UBXN2B: variants seen among roughly 807,000 people sequenced by gnomAD.
UBXN2B encodes the protein UBX domain-containing protein 2B.
Under a neutral mutation model 37.5 loss-of-function variants are expected in UBXN2B, and 19 were observed. The observed-to-expected ratio is 0.51, with a 90% CI of 0.35 to 0.74. The LOEUF is 0.74. Among genes scored for constraint, UBXN2B ranks in the 30% least tolerant of loss-of-function variants. UBXN2B has a pLI of 0.01. For missense variants in UBXN2B, 370 were observed against 393.2 expected (o/e 0.94, Z 0.50); for synonymous variants, 145 against 143.8 (o/e 1.01, Z -0.06).
rs763233939 is a variant in UBXN2B, at chr8:58,434,463, T to G, written c.492T>G (p.Asn164Lys). 12 of 1,564,092 alleles carry G rather than the reference T, an allele frequency of 7.7e-6. No individual in the cohort carries two copies. In the Middle Eastern group the frequency reaches 5.3e-4, roughly 69 times the overall value. ...ATGATGGAGAATTGAGACCTTACAATGAACCAACAAATGCTCAATTTCTGG... is the reference window on the plus strand; with the variant it reads ...ATGATGGAGAATTGAGACCTTACAAGGAACCAACAAATGCTCAATTTCTGG... ...SLDDGELRPY[N>K]EPTNAQFLES... The change falls in exon 5 of 8, where the codon AAT (asparagine) becomes AAG (lysine). Residue 164 changes from asparagine to lysine, a missense_variant. Physicochemically the swap from Asn to Lys is moderately conservative, Grantham distance 94. Coordinates refer to ENST00000399598, the MANE Select transcript of UBXN2B (RefSeq NM_001077619.2).
intron 7 of UBXN2B, 65 bp from the exon 8 acceptor site, chr8:58,447,324 A>C: frequency 7.1e-7 from 1 of 1,408,916 alleles, no homozygotes; most frequent in Non-Finnish European, 9.5e-7. Context: ...ATTATGATTC[A>C]GTTTTAAGTT....
rs1363968516 is a variant in UBXN2B at position 58,437,044 on chromosome 8, G to T, written c.533+2540G>T. Among the ~76,000 whole-genome samples the T allele has an allele frequency of 3.9e-5, 6 of 152,292 alleles. No homozygotes were observed. The South Asian group carries it at 1.2e-3, about 32-fold the overall frequency. On this transcript the variant is annotated intron_variant, in intron 5 of 7. Transcript: ENST00000399598. ...AATAGGCAGTGGTTGGAAGACTTTG[G>T]ACGTCCTTGAAGAAGATAGGAAGAC...
At chr8:58,433,018 T>A (rs1044007708) in intron 3 of UBXN2B, 142 bp from the exon 4 acceptor site, 1 of 569,162 alleles carries the variant, frequency 1.8e-6, no homozygotes, top group Non-Finnish European at 3.1e-6. Flanking sequence ...TCAAGTCTTA[T>A]GGTAATTTTG....
chr8:58,424,699 C>G (rs1021162585), intron 2 of UBXN2B: 9 of 1,235,988 alleles, frequency 7.3e-6, no homozygotes, highest in East Asian at 4.8e-5. Context: ...GGGGGGGGGG[C>G]TCTGATCTCC....
intron 6 of UBXN2B, among the ~76,000 whole-genome samples, chr8:58,440,437 C>T (rs1039167909): frequency 1.3e-5 from 2 of 152,090 alleles, no homozygotes; most frequent in South Asian, 2.1e-4. Flanking sequence ...CTCTGATTGT[C>T]GGTGAAAGAA....
At chr8:58,426,066 G>A in intron 2 of UBXN2B, 1 of 1,388,760 alleles carries the variant, frequency 7.2e-7, no homozygotes, top group Admixed American at 1.7e-5. Flanking sequence ...CAGTTCAGAG[G>A]ATATTTAAGC....
rs538834881 is a variant in UBXN2B at position 58,424,517 on chromosome 8, G to T, written c.189-6002G>T. 12 of 752,422 alleles carry T rather than the reference G, an allele frequency of 1.6e-5. No homozygotes were observed. In the South Asian group the frequency reaches 1.8e-4, roughly 11 times the overall value. 46.6% of individuals were successfully genotyped at this position (752,422 alleles called of 1,614,324 possible). A position where few individuals can be genotyped will look rare whatever the true frequency, so the allele number is the denominator to read the frequency against. ...TTGGTCTTCACATAAACTTTCTTGC[G>T]AAAGTTTGATCTTTTTAGGGAGAGA... On this transcript the variant is annotated intron_variant, in intron 2 of 7. Transcript: ENST00000399598.
chr8:58,433,078 C>A, intron 3 of UBXN2B, 82 bp from the exon 4 acceptor site: 1 of 1,154,504 alleles, frequency 8.7e-7, no homozygotes, highest in Non-Finnish European at 1.3e-6. Context: ...TAGAATTAAT[C>A]TAGTTTTAAA....
intron 2 of UBXN2B, among the ~76,000 whole-genome samples, chr8:58,423,418 G>C (rs1264589733): frequency 2.0e-5 from 3 of 151,528 alleles, no homozygotes; most frequent in African/African-American, 7.3e-5. Flanking sequence ...GAACAGTTGG[G>C]GGTGGGTTTT....
At position 58,434,512 on chromosome 8, in the gene UBXN2B, G is replaced by A. The variant is rs755521667; in HGVS notation, c.533+8G>A. 5.3e-6 allele frequency: 8 copies of A among 1,504,814 alleles called. No homozygotes were observed. The highest frequency in any genetic ancestry group is 2.4e-5 in the East Asian group (1 of 42,268). 93.2% of individuals were successfully genotyped at this position (1,504,814 alleles called of 1,614,324 possible). ...GGAGTCTGTTAAGAGAGGGTAAGAT[G>A]TATTATTTGTATTCTATTTGTTATG... is the stretch of plus-strand genomic sequence containing the variant. On this transcript the variant is annotated splice_region_variant and intron_variant, in intron 5 of 7. Coordinates refer to ENST00000399598, the MANE Select transcript of UBXN2B (RefSeq NM_001077619.2).
chr8:58,434,991 C>T, intron 5 of UBXN2B: 3 of 1,531,004 alleles, frequency 2.0e-6, no homozygotes, highest in Non-Finnish European at 2.6e-6. Flanking sequence ...CTCAGATATT[C>T]AGTGCTCTCA....
chr8:58,439,656 G>A lies in UBXN2B; in HGVS notation c.557G>A (p.Arg186His), dbSNP rs199883632. 41 of 1,606,818 alleles carry A rather than the reference G, an allele frequency of 2.6e-5. No individual in the cohort carries two copies. The highest frequency in any genetic ancestry group is 5.1e-5 in the Admixed American group (3 of 58,620). ...AGAGAGATTCCCCTGGAGCTTCAGC[G>A]CCTTGTTCATGGTGGCCAAGTGAAT... ...KRGEIPLELQRLVHGGQVNLD... is the reference protein window; with the variant it reads ...KRGEIPLELQHLVHGGQVNLD... The change falls in exon 6 of 8, where the codon CGC becomes CAC. Residue 186 changes from arginine to histidine, a missense_variant. This residue lies in a region of UBXN2B where 90 missense variants were observed against 139.4 expected (regional missense o/e 0.65). Transcript: ENST00000399598.
Position 58,439,590 on chromosome 8 carries a change from C to G in UBXN2B, c.534-43C>G, listed in dbSNP as rs372531623. On this transcript the variant is annotated intron_variant, in intron 5 of 7. Coordinates refer to ENST00000399598, the MANE Select transcript of UBXN2B (RefSeq NM_001077619.2). ...GTAATCTCAACAGTGTAGTTTAATT[C>G]TTGGAAAACTTAATGATAACTTTTT... 4 of 1,577,772 alleles carry G rather than the reference C, an allele frequency of 2.5e-6. No homozygotes were observed. In the African/African-American group the frequency reaches 5.5e-5, roughly 22 times the overall value.
chr8:58,431,590 T>C (rs10108817), intron 3 of UBXN2B, among the ~76,000 whole-genome samples: 24,709 of 152,216 alleles, frequency 0.16, 2,196 homozygotes, highest in African/African-American at 0.23. Context: ...TGCTCAGAAG[T>C]GCAATTGGTA....
At chr8:58,442,778 T>C (rs1484326830) in intron 6 of UBXN2B, among the ~76,000 whole-genome samples, 2 of 152,218 alleles carry the variant, frequency 1.3e-5, no homozygotes, top group South Asian at 4.1e-4. Context: ...TAGGCATTCT[T>C]GGTAGGCTTT....
chr8:58,422,507 C>T (rs1268686214), intron 2 of UBXN2B, among the ~76,000 whole-genome samples: 4 of 152,158 alleles, frequency 2.6e-5, no homozygotes, highest in African/African-American at 9.7e-5. Context: ...ACATATAAGG[C>T]GAAGAGGGAT....
intron 2 of UBXN2B, among the ~76,000 whole-genome samples, chr8:58,424,431 G>A (rs926397057): frequency 8.5e-5 from 13 of 152,132 alleles, no homozygotes; most frequent in African/African-American, 3.1e-4. Context: ...ATCTTTAAAT[G>A]GTTTCAAATT....
chr8:58,433,006 A>G (rs1395026188), intron 3 of UBXN2B, among the ~76,000 whole-genome samples, 154 bp from the exon 4 acceptor site: 1 of 152,212 alleles, frequency 6.6e-6, no homozygotes, highest in Admixed American at 6.5e-5. Flanking sequence ...ATGATCTTTT[A>G]GTCAAGTCTT....
intron 2 of UBXN2B, among the ~76,000 whole-genome samples, chr8:58,429,314 A>T (rs16923457): frequency 0.031 from 4,684 of 152,218 alleles, 232 homozygotes; most frequent in East Asian, 0.23. Context: ...CGCTCCCTAA[A>T]ATAATCTGCT....
Sources: gnomAD v4.1 joint callset for allele counts (sites outside exome capture counted in the v4.1 genomes callset) on GRCh38, gnomAD v4.1.1 for gene constraint, gnomAD v4.1.1 regional missense constraint, MANE v1.5 for transcripts, NCBI Gene and HGNC (gene_info 2026-07-23, HGNC 2026-07-21) for gene names.